SCAMP1: variants seen among roughly 807,000 people sequenced by gnomAD.
The protein encoded by SCAMP1 is secretory carrier membrane protein 1, also known as secretory carrier-associated membrane protein 1.
SCAMP1 carries 15 observed loss-of-function variants against 41.8 expected under a neutral mutation model. The observed-to-expected ratio is 0.36, with a 90% CI of 0.24 to 0.55. SCAMP1 has a LOEUF of 0.55. Ranked by LOEUF, SCAMP1 falls within the 20% of genes least tolerant of loss-of-function variation. SCAMP1 has a pLI of 0.86. For missense variants in SCAMP1, 341 were observed against 412.6 expected, an observed-to-expected ratio of 0.83 and a Z score of 1.50; for synonymous variants, 135 against 136.8, an observed-to-expected ratio of 0.99 and a Z score of 0.09.
intron 2 of SCAMP1, among the ~76,000 whole-genome samples, chr5:78,405,505 C>A (rs1197114995): frequency 2.0e-5 from 3 of 152,176 alleles, no homozygotes. Context: ...CCCCAATCAC[C>A]TTTATAAACT....
At chr5:78,447,789 CT>C (rs1278894313) in intron 6 of SCAMP1, among the ~76,000 whole-genome samples, 1 of 147,584 alleles carries the variant, frequency 6.8e-6, no homozygotes, top group Non-Finnish European at 1.5e-5. Context: ...TCAAAAGAAA[CT>C]TTCTTCTTCT....
chr5:78,447,951 TTCCCTGTCCTC>T (rs1753099725), intron 6 of SCAMP1, among the ~76,000 whole-genome samples: 2 of 53,254 alleles, frequency 3.8e-5, no homozygotes, highest in Admixed American at 3.8e-4. Context: ...TTCCCCCTCT[TTCCCTGTCCTC>T]CCTCTCCTCC....
intron 6 of SCAMP1, among the ~76,000 whole-genome samples, chr5:78,434,974 G>A (rs1752712407): frequency 6.6e-6 from 1 of 152,172 alleles, no homozygotes. Flanking sequence ...ATTTTTAAAA[G>A]GAAATATGGA....
At chr5:78,400,069 A>G (rs998332025) in intron 2 of SCAMP1, among the ~76,000 whole-genome samples, 5 of 152,148 alleles carry the variant, frequency 3.3e-5, no homozygotes, top group African/African-American at 7.2e-5. Flanking sequence ...CTATAGGCAT[A>G]TGCTTGGCTT....
intron 1 of SCAMP1, among the ~76,000 whole-genome samples, chr5:78,364,978 G>A (rs532135208): frequency 4.5e-3 from 64 of 14,350 alleles, no homozygotes; most frequent in Non-Finnish European, 0.011. Context: ...GTATACATAT[G>A]TAACCTGTAC....
At chr5:78,364,877 T>A in intron 1 of SCAMP1, among the ~76,000 whole-genome samples, 1 of 103,386 alleles carries the variant, frequency 9.7e-6, no homozygotes, top group African/African-American at 3.9e-5. Flanking sequence ...CACACCGGGG[T>A]CTGTCATGGG....
At chr5:78,469,913 C>CAAAAA (rs1561290939) in intron 8 of SCAMP1, among the ~76,000 whole-genome samples, 13 of 23,232 alleles carry the variant, frequency 5.6e-4, no homozygotes, top group Non-Finnish European at 6.7e-4. Flanking sequence ...AAAAAAAAAA[C>CAAAAA]AAAAAAAAAA....
chr5:78,394,810 C>T (rs1189616340), intron 2 of SCAMP1, among the ~76,000 whole-genome samples: 2 of 152,166 alleles, frequency 1.3e-5, no homozygotes, highest in Non-Finnish European at 2.9e-5. Context: ...ATCCTAGTAT[C>T]GTTGGCTAGA....
chr5:78,430,923 G>A (rs547514251), intron 6 of SCAMP1, among the ~76,000 whole-genome samples: 1 of 152,162 alleles, frequency 6.6e-6, no homozygotes, highest in Admixed American at 6.6e-5. Context: ...CCCACTGAGT[G>A]TTGAGAATGT....
intron 7 of SCAMP1, among the ~76,000 whole-genome samples, chr5:78,451,690 C>A (rs905949148): frequency 6.6e-6 from 1 of 152,202 alleles, no homozygotes; most frequent in Non-Finnish European, 1.5e-5. Context: ...CAGAGTCTCG[C>A]CCTATCACCC....
rs1361867185 is a variant in SCAMP1 at position 78,360,930 on chromosome 5, C to T, written c.57+202C>T. ...GTTTTGGGGCTTGGGGGTGGAACCT[C>T]CTCAGCTCGTGCCCGGTCGCCCTTC... On this transcript the variant is annotated intron_variant, in intron 1 of 8. Coordinates refer to ENST00000621999, the MANE Select transcript of SCAMP1 (RefSeq NM_004866.6). The T allele has an allele frequency of 1.0e-5, 6 of 576,176 alleles. No homozygotes were observed. In the Admixed American group the frequency reaches 1.2e-4, roughly 12 times the overall value. 35.7% of individuals were successfully genotyped at this position (576,176 alleles called of 1,614,324 possible). A position where few individuals can be genotyped will look rare whatever the true frequency, so the allele number is the denominator to read the frequency against.
intron 8 of SCAMP1, among the ~76,000 whole-genome samples, chr5:78,461,626 A>G (rs370725887): frequency 6.6e-6 from 1 of 152,134 alleles, no homozygotes; most frequent in African/African-American, 2.4e-5. Context: ...CAGTGGCACA[A>G]TCTCGGCTCA....
Position 78,455,649 on chromosome 5 carries a change from ATG to A in SCAMP1, c.735-3594_735-3593del, listed in dbSNP as rs1424173117. Among the ~76,000 whole-genome samples, 1,012 of 128,604 alleles carry A rather than the reference ATG, an allele frequency of 7.9e-3. 14 individuals are homozygous for A. Among genetic ancestry groups the A allele is most frequent in the African/African-American group, 0.028 (937 of 32,880 alleles). 84.4% of individuals were successfully genotyped at this position (128,604 alleles called of 152,430 possible). ...TAGGTGTGGTGTGGTGCTGAAAAAAATGTATATTCTGTTGATTTGGGGTGGAG... is the reference window on the plus strand; with the variant it reads ...TAGGTGTGGTGTGGTGCTGAAAAAAATATATTCTGTTGATTTGGGGTGGAG... On this transcript the variant is annotated intron_variant, in intron 7 of 8. Transcript: ENST00000621999.
At chr5:78,379,931 A>G (rs1751156748) in intron 1 of SCAMP1, among the ~76,000 whole-genome samples, 3 of 152,202 alleles carry the variant, frequency 2.0e-5, no homozygotes, top group African/African-American at 7.2e-5. Flanking sequence ...GTTCCAAAGT[A>G]GAGGCTATAA....
intron 6 of SCAMP1, among the ~76,000 whole-genome samples, chr5:78,430,415 C>T (rs1387994850): frequency 2.0e-5 from 3 of 150,388 alleles, no homozygotes; most frequent in South Asian, 4.2e-4. Context: ...CATACACACT[C>T]CTTCCTTCCC....
intron 8 of SCAMP1, among the ~76,000 whole-genome samples, chr5:78,462,963 C>A (rs1235475401): frequency 1.3e-5 from 2 of 152,106 alleles, no homozygotes; most frequent in Admixed American, 1.3e-4. Context: ...TTTACCATTT[C>A]ATTACTTGAG....
intron 1 of SCAMP1, among the ~76,000 whole-genome samples, chr5:78,380,101 C>T (rs1056688200): frequency 6.6e-6 from 1 of 152,178 alleles, no homozygotes; most frequent in Non-Finnish European, 1.5e-5. Context: ...TTTTTTCACT[C>T]AGCCCATAGC....
chr5:78,452,174 A>C (rs896070424), intron 7 of SCAMP1, among the ~76,000 whole-genome samples: 1 of 150,784 alleles, frequency 6.6e-6, no homozygotes, highest in Non-Finnish European at 1.5e-5. Flanking sequence ...TTGCACATTT[A>C]GTTTTCTTTT....
intron 5 of SCAMP1, among the ~76,000 whole-genome samples, chr5:78,419,438 G>A (rs527942705): frequency 4.9e-4 from 75 of 152,218 alleles, no homozygotes; most frequent in Admixed American, 1.7e-3. Flanking sequence ...TTTGTTGAAC[G>A]GAACATTAGA....
Sources: gnomAD v4.1 joint callset for allele counts (sites outside exome capture counted in the v4.1 genomes callset) on GRCh38, gnomAD v4.1.1 for gene constraint, MANE v1.5 for transcripts, NCBI Gene and HGNC (gene_info 2026-07-23, HGNC 2026-07-21) for gene names.